NSMCE2: variants seen among roughly 807,000 people sequenced by gnomAD.
NSMCE2 encodes NSE2 SUMO ligase component of SMC5/6 complex.
NSMCE2 carries 24 observed loss-of-function variants against 23.8 expected under a neutral mutation model. The observed-to-expected ratio is 1.01, with a 90% CI of 0.73 to 1.42. The LOEUF (loss-of-function observed/expected upper bound fraction) is 1.42, where lower values mean the gene tolerates loss of function less well. Among genes scored for constraint, NSMCE2 ranks in the 40% most tolerant of loss-of-function variants. NSMCE2 has a pLI of 0.00. For synonymous variants in NSMCE2, 92 were observed against 94.1 expected, an observed-to-expected ratio of 0.98 and a Z score of 0.13; for missense variants, 284 against 296.5, an observed-to-expected ratio of 0.96 and a Z score of 0.31.
intron 4 of NSMCE2, among the ~76,000 whole-genome samples, chr8:125,159,219 C>A (rs1055364196): frequency 2.6e-5 from 4 of 152,124 alleles, no homozygotes; most frequent in African/African-American, 9.7e-5. Context: ...TTGTTAATCT[C>A]TTGCTGTGTG....
At chr8:125,137,040 T>C (rs910166152) in intron 3 of NSMCE2, among the ~76,000 whole-genome samples, 2 of 152,142 alleles carry the variant, frequency 1.3e-5, no homozygotes, top group Admixed American at 6.5e-5. Context: ...GTCAGTGATT[T>C]AAATTTTAAA....
chr8:125,120,594 G>GT (rs1819219218), intron 3 of NSMCE2, among the ~76,000 whole-genome samples: 1 of 152,166 alleles, frequency 6.6e-6, no homozygotes, highest in South Asian at 2.1e-4. Context: ...CAAGCCAGAG[G>GT]TTAAGCCTGT....
In NSMCE2 at chr8:125,310,227, A is replaced by G. The variant is rs111893973; in HGVS notation, c.419-46992A>G. On this transcript the variant is annotated intron_variant, in intron 5 of 7. Coordinates refer to ENST00000287437, the MANE Select transcript of NSMCE2 (RefSeq NM_173685.4). ...CAAAATGTCAAAATAAGGAAAATAC[A>G]TAACTCAGACTAGAGTCAGACAGAA... is the stretch of plus-strand genomic sequence containing the variant. 5.0e-3 allele frequency among the ~76,000 whole-genome samples: 756 copies of G among 152,336 alleles called. 8 individuals carry two copies. Among genetic ancestry groups the G allele is most frequent in the African/African-American group, 0.016 (645 of 41,576 alleles).
At chr8:125,335,746 T>C (rs1830048127) in intron 5 of NSMCE2, among the ~76,000 whole-genome samples, 1 of 152,130 alleles carries the variant, frequency 6.6e-6, no homozygotes. Flanking sequence ...ATAGAGGAGA[T>C]GAAGAATTTC....
At chr8:125,247,123 G>C (rs1298748093) in intron 5 of NSMCE2, among the ~76,000 whole-genome samples, 1 of 151,512 alleles carries the variant, frequency 6.6e-6, no homozygotes, top group Non-Finnish European at 1.5e-5. Flanking sequence ...GAGCCCAGGA[G>C]TTAGAGACCA....
At chr8:125,187,579 C>T (rs1304339678) in intron 5 of NSMCE2, among the ~76,000 whole-genome samples, 4 of 152,178 alleles carry the variant, frequency 2.6e-5, no homozygotes, top group African/African-American at 4.8e-5. Flanking sequence ...TGTATAGATA[C>T]TTCTTCAAGT....
chr8:125,096,362 A>C (rs1424034736), intron 1 of NSMCE2, among the ~76,000 whole-genome samples: 2 of 152,176 alleles, frequency 1.3e-5, no homozygotes, highest in East Asian at 3.8e-4. Context: ...TTTTGTCCTT[A>C]CCTGCCCTGA....
intron 3 of NSMCE2, among the ~76,000 whole-genome samples, chr8:125,146,933 T>C (rs1820714705): frequency 6.6e-6 from 1 of 152,154 alleles, no homozygotes. Flanking sequence ...ACCTAACTCT[T>C]ATGTTGCCCT....
At chr8:125,357,194 T>C in intron 5 of NSMCE2, 25 bp from the exon 6 acceptor site, 1 of 1,432,606 alleles carries the variant, frequency 7.0e-7, no homozygotes, top group South Asian at 1.1e-5. Flanking sequence ...CCAGAGAGGC[T>C]TATCAACTCT....
intron 5 of NSMCE2, among the ~76,000 whole-genome samples, chr8:125,235,819 AC>A (rs1825523391): frequency 6.6e-6 from 1 of 152,040 alleles, no homozygotes; most frequent in South Asian, 2.1e-4. Context: ...ATTATTCTCT[AC>A]TCTTGGTGCA....
At chr8:125,252,532 A>G (rs1826242537) in intron 5 of NSMCE2, among the ~76,000 whole-genome samples, 1 of 152,228 alleles carries the variant, frequency 6.6e-6, no homozygotes, top group African/African-American at 2.4e-5. Context: ...TCTCAAAAAA[A>G]AGAGAAAAAC....
At chr8:125,316,471 T>C (rs956673493) in intron 5 of NSMCE2, among the ~76,000 whole-genome samples, 1 of 152,244 alleles carries the variant, frequency 6.6e-6, no homozygotes, top group African/African-American at 2.4e-5. Flanking sequence ...GGTCAGAAGC[T>C]GGAATTTTCA....
chr8:125,224,630 C>G (rs1475917236), intron 5 of NSMCE2, among the ~76,000 whole-genome samples: 1 of 152,140 alleles, frequency 6.6e-6, no homozygotes, highest in Non-Finnish European at 1.5e-5. Context: ...AGATTTATTT[C>G]TGGGCTTTCT....
At chr8:125,301,748 C>T (rs1248738668) in intron 5 of NSMCE2, among the ~76,000 whole-genome samples, 2 of 151,302 alleles carry the variant, frequency 1.3e-5, no homozygotes, top group African/African-American at 2.4e-5. Context: ...CTACAACCTC[C>T]GCTTACTGGG....
intron 7 of NSMCE2, among the ~76,000 whole-genome samples, chr8:125,362,296 C>T (rs887227734): frequency 2.6e-5 from 4 of 152,252 alleles, no homozygotes; most frequent in African/African-American, 9.6e-5. Flanking sequence ...ATCCTTTCTG[C>T]TTTAAAAACT....
chr8:125,134,363 A>G (rs749611333), intron 3 of NSMCE2, among the ~76,000 whole-genome samples: 14 of 152,214 alleles, frequency 9.2e-5, no homozygotes, highest in Admixed American at 5.9e-4. Flanking sequence ...AAGTCTGAAA[A>G]TATGGGATCT....
intron 4 of NSMCE2, among the ~76,000 whole-genome samples, chr8:125,157,316 A>G (rs925620629): frequency 6.6e-6 from 1 of 152,228 alleles, no homozygotes; most frequent in Non-Finnish European, 1.5e-5. Flanking sequence ...CTCGCTGCAT[A>G]TGGCATTCTA....
At chr8:125,235,599 T>G (rs1248187473) in intron 5 of NSMCE2, among the ~76,000 whole-genome samples, 1 of 152,218 alleles carries the variant, frequency 6.6e-6, no homozygotes, top group Non-Finnish European at 1.5e-5. Context: ...ACATATACAA[T>G]TCTATGTCAT....
chr8:125,116,915 C>T (rs1186639195), intron 3 of NSMCE2, among the ~76,000 whole-genome samples: 1 of 137,906 alleles, frequency 7.3e-6, no homozygotes, highest in Admixed American at 7.6e-5. Context: ...TGAGATGGAG[C>T]CTCTCTCTGT....
Sources: gnomAD v4.1 joint callset for allele counts (sites outside exome capture counted in the v4.1 genomes callset) on GRCh38, gnomAD v4.1.1 for gene constraint, MANE v1.5 for transcripts, NCBI Gene and HGNC (gene_info 2026-07-23, HGNC 2026-07-21) for gene names.